Variants in PLA2G7 observed in about 807,000 individuals in gnomAD.
PLA2G7 encodes phospholipase A2 group VII.
Under a neutral mutation model 49.6 loss-of-function variants are expected in PLA2G7, and 63 were observed. That is an observed-to-expected ratio of 1.27 (90% CI 1.04 to 1.57). PLA2G7 has a LOEUF of 1.57. Ranked by LOEUF, PLA2G7 falls within the 40% of genes most tolerant of loss-of-function variation. The probability of loss-of-function intolerance (pLI) is 0.00; values close to 1 mark genes in which losing one functional copy is unlikely to be tolerated. For missense variants in PLA2G7, 596 were observed against 521.2 expected (o/e 1.14, Z -1.40); for synonymous variants, 193 against 169.9 (o/e 1.14, Z -1.06).
chr6:46,708,276 T>C, intron 9 of PLA2G7, 115 bp from the exon 10 acceptor site: 1 of 815,718 alleles, frequency 1.2e-6, no homozygotes, highest in Non-Finnish European at 2.2e-6. Flanking sequence ...TTATTATGGG[T>C]TATCTCATTG....
intron 11 of PLA2G7, 58 bp from the exon 12 acceptor site, chr6:46,704,754 G>A: frequency 9.8e-7 from 1 of 1,023,010 alleles, no homozygotes; most frequent in Non-Finnish European, 1.5e-6. Flanking sequence ...TAAACAGTTT[G>A]GTGCCCCTAG....
rs1471699091 is a variant in PLA2G7 at position 46,722,702 on chromosome 6, C to A, written c.109+81G>T. ...TTTAAATAGGACTTGTTTAGATGTG[C>A]AGATGTGCAACTTCTTGGGGCCCAC... is the stretch of plus-strand genomic sequence containing the variant. On this transcript the variant is annotated intron_variant, in intron 2 of 11. Coordinates refer to ENST00000274793, the MANE Select transcript of PLA2G7 (RefSeq NM_005084.4). The A allele has an allele frequency of 5.0e-6, 4 of 807,930 alleles. No homozygotes were observed. In the Admixed American group the frequency reaches 7.4e-5, roughly 15 times the overall value. 50.0% of individuals were successfully genotyped at this position (807,930 alleles called of 1,614,324 possible). A position where few individuals can be genotyped will look rare whatever the true frequency, so the allele number is the denominator to read the frequency against.
In PLA2G7 at chr6:46,717,223, A is replaced by G. The variant is rs930435288; in HGVS notation, c.110-127T>C. 39 of 835,640 alleles carry G rather than the reference A, an allele frequency of 4.7e-5. No homozygotes were observed. The African/African-American group carries it at 5.2e-4, about 11-fold the overall frequency. The allele number at this position is 835,640 out of a possible 1,614,324, so 51.8% of individuals were successfully genotyped here. ...GGCCTTCTTTCTTTCTCAACCTAAC[A>G]AGTAAGATATGCAATTATTGAGGGT... On this transcript the variant is annotated intron_variant, in intron 2 of 11. Coordinates refer to ENST00000274793, the MANE Select transcript of PLA2G7 (RefSeq NM_005084.4).
chr6:46,734,438 G>A (rs1052843279), intron 1 of PLA2G7, among the ~76,000 whole-genome samples: 1 of 48,148 alleles, frequency 2.1e-5, no homozygotes, highest in East Asian at 4.9e-4. Context: ...GAGAGAGAGA[G>A]AGAGAGAGAG....
chr6:46,712,331 A>T lies in PLA2G7; in HGVS notation c.477T>A (p.Leu159=). Residue 159 remains leucine (L), a synonymous_variant, in exon 6 of 12, where the codon CTT becomes CTA. Transcript: ENST00000274793. Reference sequence around the variant, plus strand: ...CCAGGTCAATGCCAATAGCAGAATAAAGTGTCCTTCAAAACAAAAAGAGGG... The same window carrying T: ...CCAGGTCAATGCCAATAGCAGAATATAGTGTCCTTCAAAACAAAAAGAGGG... ...FSHGLGAFRT[L]YSAIGIDLAS... is the part of the protein sequence containing the mutation. 6.2e-7 allele frequency: 1 copy of T among 1,610,660 alleles called. No homozygotes were observed. Among genetic ancestry groups the T allele is most frequent in the Middle Eastern group, 1.7e-4 (1 of 6,052 alleles).
At position 46,709,235 on chromosome 6, in the gene PLA2G7, T is replaced by C. The variant is rs1016286895; in HGVS notation, c.869+92A>G. On this transcript the variant is annotated intron_variant, in intron 9 of 11. Coordinates refer to ENST00000274793, the MANE Select transcript of PLA2G7 (RefSeq NM_005084.4). The stretch of plus-strand genomic sequence containing the variant: ...CTTATAAACTCCAAGAGATCCCTTC[T>C]TCACTAAGAATTTGAATAAAAAATT... 5.1e-6 allele frequency: 4 copies of C among 785,540 alleles called. No homozygotes were observed. In the East Asian group the frequency reaches 1.1e-4, roughly 21 times the overall value. The allele number at this position is 785,540 out of a possible 1,614,324, so 48.7% of individuals were successfully genotyped here.
chr6:46,716,722 T>C (rs971793902), intron 3 of PLA2G7, among the ~76,000 whole-genome samples, 194 bp from the exon 4 acceptor site: 3 of 152,008 alleles, frequency 2.0e-5, no homozygotes, highest in Non-Finnish European at 2.9e-5. Flanking sequence ...TCTATCTCAG[T>C]GAAAGGAAAA....
chr6:46,732,436 T>C (rs1370563211), intron 1 of PLA2G7, among the ~76,000 whole-genome samples: 2 of 151,902 alleles, frequency 1.3e-5, no homozygotes, highest in African/African-American at 2.4e-5. Context: ...GCTTTTCTTC[T>C]CATTATATGA....
intron 2 of PLA2G7, among the ~76,000 whole-genome samples, chr6:46,720,575 T>A (rs1765363491): frequency 6.6e-6 from 1 of 152,186 alleles, no homozygotes; most frequent in Admixed American, 6.5e-5. Flanking sequence ...GACCCGGTTA[T>A]GGGCCTGGAT....
Position 46,704,308 on chromosome 6 carries a change from G to T in PLA2G7, c.*252C>A, listed in dbSNP as rs148774457. 5.2e-6 allele frequency: 2 copies of T among 382,436 alleles called. No individual in the cohort carries two copies. The highest frequency in any genetic ancestry group is 7.9e-5 in the South Asian group (2 of 25,256). The allele number at this position is 382,436 out of a possible 1,614,324, so 23.7% of individuals were successfully genotyped here. On this transcript the variant is annotated 3_prime_UTR_variant, in exon 12 of 12. Coordinates refer to ENST00000274793, the MANE Select transcript of PLA2G7 (RefSeq NM_005084.4). ...GAATCATCTTTAAAATTAAAATTTA[G>T]GCTGATATGAATATTGTATACTGTA...
intron 7 of PLA2G7, among the ~76,000 whole-genome samples, chr6:46,711,236 A>G (rs1303212139): frequency 2.0e-5 from 3 of 152,198 alleles, no homozygotes; most frequent in Non-Finnish European, 4.4e-5. Flanking sequence ...AGATTCTAAA[A>G]TTAGAAGTTT....
At chr6:46,716,288 A>C in intron 4 of PLA2G7, 96 bp downstream of exon 4, 1 of 1,296,302 alleles carries the variant, frequency 7.7e-7, no homozygotes, top group Admixed American at 1.7e-5. Flanking sequence ...GGACTGAAGA[A>C]AAATCTACTT....
chr6:46,727,288 C>T (rs1396459534), intron 1 of PLA2G7, among the ~76,000 whole-genome samples: 2 of 152,160 alleles, frequency 1.3e-5, no homozygotes, highest in African/African-American at 4.8e-5. Flanking sequence ...AAACAAAAGA[C>T]AACCCAAAAC....
chr6:46,731,197 C>T (rs1765724600), intron 1 of PLA2G7, among the ~76,000 whole-genome samples: 1 of 152,180 alleles, frequency 6.6e-6, no homozygotes, highest in African/African-American at 2.4e-5. Context: ...CGTCACTATC[C>T]TAGTTGGTAA....
intron 2 of PLA2G7, among the ~76,000 whole-genome samples, chr6:46,717,526 C>T (rs1392729156): frequency 6.6e-6 from 1 of 151,902 alleles, no homozygotes; most frequent in Non-Finnish European, 1.5e-5. Flanking sequence ...AACTAGTTTC[C>T]AAAATGAAAC....
At chr6:46,712,860 C>A (rs1243455923) in intron 5 of PLA2G7, among the ~76,000 whole-genome samples, 1 of 152,148 alleles carries the variant, frequency 6.6e-6, no homozygotes, top group African/African-American at 2.4e-5. Flanking sequence ...TATAGGAAAG[C>A]AGTACAGTAT....
intron 10 of PLA2G7, among the ~76,000 whole-genome samples, chr6:46,705,956 C>G (rs755607139): frequency 5.3e-5 from 8 of 152,172 alleles, no homozygotes; most frequent in Non-Finnish European, 1.2e-4. Context: ...TCCCTTCTGA[C>G]GCTAACCACT....
chr6:46,718,361 A>C (rs1354883157), intron 2 of PLA2G7, among the ~76,000 whole-genome samples: 1 of 152,236 alleles, frequency 6.6e-6, no homozygotes, highest in Non-Finnish European at 1.5e-5. Flanking sequence ...CTAAGCCAAT[A>C]CTCTGCTACT....
At chr6:46,734,840 A>T (rs1765866966) in intron 1 of PLA2G7, among the ~76,000 whole-genome samples, 1 of 149,412 alleles carries the variant, frequency 6.7e-6, no homozygotes, top group Non-Finnish European at 1.5e-5. Flanking sequence ...GAAAGAAGGA[A>T]CGAAAGAAAG....
Sources: gnomAD v4.1 joint callset for allele counts (sites outside exome capture counted in the v4.1 genomes callset) on GRCh38, gnomAD v4.1.1 for gene constraint, MANE v1.5 for transcripts, NCBI Gene and HGNC (gene_info 2026-07-23, HGNC 2026-07-21) for gene names.